Variants in NEBL observed in about 807,000 individuals in gnomAD.
The protein encoded by NEBL is nebulette.
In NEBL, 122 loss-of-function variants were observed where a neutral mutation model predicts 140.2. The observed-to-expected ratio is 0.87, with a 90% CI of 0.75 to 1.01. NEBL has a LOEUF of 1.01. Among genes scored for constraint, NEBL ranks in the 50% least tolerant of loss-of-function variants. The pLI, the probability that NEBL is intolerant of heterozygous loss-of-function variation, is 0.00. For missense variants in NEBL, 1,365 were observed against 1,231.3 expected (o/e 1.11, Z -1.62); for synonymous variants, 436 against 398.9 (o/e 1.09, Z -1.11).
intron 4 of NEBL, among the ~76,000 whole-genome samples, chr10:20,932,622 T>G (rs1834249795): frequency 6.6e-6 from 1 of 152,220 alleles, no homozygotes; most frequent in African/African-American, 2.4e-5. Context: ...AGAATAAGTA[T>G]TCTTGCTGAA....
At chr10:21,103,128 T>A (rs1348005488) in intron 2 of NEBL, among the ~76,000 whole-genome samples, 5 of 152,070 alleles carry the variant, frequency 3.3e-5, no homozygotes, top group Admixed American at 3.3e-4. Flanking sequence ...CCAAATTATT[T>A]TATAAAATAT....
intron 2 of NEBL, among the ~76,000 whole-genome samples, chr10:21,064,556 A>G (rs780349917): frequency 1.3e-5 from 2 of 152,208 alleles, no homozygotes; most frequent in African/African-American, 2.4e-5. Context: ...TTTAAAAGCA[A>G]CTGAAAGTTT....
chr10:20,845,323 A>T lies in NEBL; in HGVS notation c.1162T>A (p.Ser388Thr). 1 of 1,606,500 alleles carries T rather than the reference A, an allele frequency of 6.2e-7. No homozygotes were observed. The highest frequency in any genetic ancestry group is 8.5e-7 in the Non-Finnish European group (1 of 1,173,506). Reference protein sequence around the residue: ...DFEKEIKGRSSLDLDKTPEFL... With the variant: ...DFEKEIKGRSTLDLDKTPEFL... ...TCTGGAGTCTTGTCTAAATCCAGTG[A>T]TGACCTTCCTTTAATCTCCTTCTCA... Residue 388 changes from serine to threonine, a missense_variant, in exon 12 of 28, where the codon TCA becomes ACA. This residue lies in a region of NEBL where 1,323 missense variants were observed against 1,154.8 expected (regional missense o/e 1.15). Transcript: ENST00000377122.
intron 4 of NEBL, among the ~76,000 whole-genome samples, chr10:20,912,878 A>ATTTT (rs1554805266): frequency 7.8e-6 from 1 of 128,724 alleles, no homozygotes; most frequent in Non-Finnish European, 1.6e-5. Flanking sequence ...TAGTATGCCA[A>ATTTT]TTCTTTTTTT....
At chr10:20,875,332 A>T (rs146091668) in intron 5 of NEBL, among the ~76,000 whole-genome samples, 34 of 152,236 alleles carry the variant, frequency 2.2e-4, no homozygotes, top group African/African-American at 7.5e-4. Flanking sequence ...TTCATCCCTG[A>T]TGTGTCTTGA....
chr10:20,934,110 T>A (rs1834347190), intron 4 of NEBL, among the ~76,000 whole-genome samples: 1 of 152,162 alleles, frequency 6.6e-6, no homozygotes, highest in African/African-American at 2.4e-5. Flanking sequence ...AAGTTCTCAC[T>A]CCCTGCTTCA....
chr10:20,900,757 A>G (rs1847830080), upstream of NEBL, among the ~76,000 whole-genome samples: 2 of 150,994 alleles, frequency 1.3e-5, no homozygotes, highest in African/African-American at 2.4e-5. Context: ...AGACAGAAGA[A>G]TCGCTTGAAC....
chr10:20,850,850 G>GAA (rs980676037), intron 10 of NEBL, among the ~76,000 whole-genome samples: 115 of 152,330 alleles, frequency 7.5e-4, no homozygotes, highest in African/African-American at 2.7e-3. Flanking sequence ...GCAGGTGTGA[G>GAA]AAAGAGAGAG....
At chr10:20,903,704 C>T (rs1239267673) in intron 4 of NEBL, among the ~76,000 whole-genome samples, 4 of 151,824 alleles carry the variant, frequency 2.6e-5, no homozygotes, top group Admixed American at 1.3e-4. Context: ...AACAAAATAA[C>T]GTATTTTGTA....
chr10:21,252,768 C>T (rs1286988752), intron 1 of NEBL, among the ~76,000 whole-genome samples: 2 of 152,058 alleles, frequency 1.3e-5, no homozygotes, highest in Admixed American at 6.6e-5. Flanking sequence ...CCAGCCTGAC[C>T]GACATAGAGA....
At chr10:20,980,904 AC>A (rs2131663361) in intron 3 of NEBL, among the ~76,000 whole-genome samples, 1 of 152,310 alleles carries the variant, frequency 6.6e-6, no homozygotes, top group African/African-American at 2.4e-5. Context: ...GCTGGTAAGA[AC>A]TGTGCTTAAG....
chr10:21,056,751 A>G (rs1399787278), intron 2 of NEBL, among the ~76,000 whole-genome samples: 1 of 152,244 alleles, frequency 6.6e-6, no homozygotes, highest in Non-Finnish European at 1.5e-5. Flanking sequence ...CAAAAGCAAA[A>G]TACTGCGAGA....
At chr10:21,034,954 ATTTATTTATTTATT>A (rs935214224) in intron 2 of NEBL, among the ~76,000 whole-genome samples, 1 of 127,132 alleles carries the variant, frequency 7.9e-6, no homozygotes, top group African/African-American at 4.1e-5. Context: ...TTATTTATTT[ATTTATTTATTTATT>A]TATTTATTTA....
intron 3 of NEBL, among the ~76,000 whole-genome samples, chr10:21,214,426 C>T (rs1030219470): frequency 2.0e-4 from 31 of 152,060 alleles, no homozygotes; most frequent in African/African-American, 7.2e-4. Flanking sequence ...AAAGGATCTC[C>T]TCAGTATAAC....
At chr10:21,227,895 CT>C (rs1448680891) in intron 3 of NEBL, among the ~76,000 whole-genome samples, 2 of 151,312 alleles carry the variant, frequency 1.3e-5, no homozygotes, top group African/African-American at 4.9e-5. Context: ...AGAAAGAGCA[CT>C]CATAAAAATG....
intron 15 of NEBL, 79 bp downstream of exon 15, chr10:20,831,394 T>G: frequency 1.3e-6 from 2 of 1,494,488 alleles, no homozygotes; most frequent in Non-Finnish European, 1.9e-6. Flanking sequence ...AAGCCACCCA[T>G]GTGGAAAGAA....
At chr10:21,146,612 T>A in intron 2 of NEBL, 1 of 794,214 alleles carries the variant, frequency 1.3e-6, no homozygotes, top group Non-Finnish European at 2.0e-6. Flanking sequence ...AACCGTTGCT[T>A]AGTAACAAAC....
rs72481157 is a variant in NEBL, at chr10:20,930,253, C to T, written c.357+31419G>A. The stretch of plus-strand genomic sequence containing the variant: ...TTACTAGAAACAAAATTCTAGGAGA[C>T]GTTCTTGTTTTCCCTACTCCCTCAT... On this transcript the variant is annotated intron_variant, in intron 4 of 6. Coordinates refer to the NEBL transcript ENST00000417816. Among the ~76,000 whole-genome samples, 311 of 152,266 alleles carry T rather than the reference C, an allele frequency of 2.0e-3. 9 individuals are homozygous for T. The East Asian group carries it at 0.051, about 25-fold the overall frequency.
chr10:21,214,419 G>T (rs1227056124), intron 3 of NEBL, among the ~76,000 whole-genome samples: 1 of 151,884 alleles, frequency 6.6e-6, no homozygotes, highest in Non-Finnish European at 1.5e-5. Context: ...GAAAGGAAAA[G>T]GATCTCCTCA....
Sources: allele counts gnomAD v4.1 joint callset (sites outside exome capture counted in the v4.1 genomes callset), GRCh38; gene constraint gnomAD v4.1.1; regional missense constraint gnomAD v4.1.1; transcripts MANE v1.5; gene names NCBI Gene and HGNC (gene_info 2026-07-23, HGNC 2026-07-21).